GNG2: variants seen among roughly 807,000 people sequenced by gnomAD.
GNG2 encodes G protein subunit gamma 2.
In GNG2, 5 loss-of-function variants were observed where a neutral mutation model predicts 5.5. The observed-to-expected ratio is 0.91, with a 90% confidence interval of 0.48 to 1.92. The LOEUF is 1.92. GNG2 is among the 30% of genes most tolerant of loss of function. GNG2 has a pLI of 0.01. For synonymous variants in GNG2, 28 were observed against 32.0 expected (o/e 0.88, Z 0.42); for missense variants, 55 against 88.4 (o/e 0.62, Z 1.52).
intron 2 of GNG2, among the ~76,000 whole-genome samples, chr14:51,885,880 T>A (rs1884429348): frequency 6.6e-6 from 1 of 152,194 alleles, no homozygotes; most frequent in Admixed American, 6.5e-5. Context: ...GACTTATGTC[T>A]TTGCTATAAG....
intron 1 of GNG2, among the ~76,000 whole-genome samples, chr14:51,869,984 G>C (rs1883190463): frequency 6.6e-6 from 1 of 152,198 alleles, no homozygotes; most frequent in African/African-American, 2.4e-5. Context: ...AAAGTCATCA[G>C]ACCCCAGCAA....
At chr14:51,932,860 T>C in intron 2 of GNG2, among the ~76,000 whole-genome samples, 1 of 149,880 alleles carries the variant, frequency 6.7e-6, no homozygotes, top group Non-Finnish European at 1.5e-5. Context: ...GTTAAAGCTC[T>C]GGATATGGAA....
intron 2 of GNG2, among the ~76,000 whole-genome samples, chr14:51,851,222 A>C (rs1259376589): frequency 6.6e-6 from 1 of 152,228 alleles, no homozygotes; most frequent in Non-Finnish European, 1.5e-5. Flanking sequence ...CTTATAAAAC[A>C]GGTTCCCTTG....
At chr14:51,866,077 A>C (rs976603463) in intron 1 of GNG2, among the ~76,000 whole-genome samples, 2 of 152,182 alleles carry the variant, frequency 1.3e-5, no homozygotes, top group Non-Finnish European at 2.9e-5. Context: ...AATATGTGTA[A>C]ACAGTCAAGC....
intron 2 of GNG2, among the ~76,000 whole-genome samples, chr14:51,924,847 A>G (rs1317966146): frequency 1.3e-5 from 2 of 152,342 alleles, no homozygotes; most frequent in South Asian, 4.1e-4. Flanking sequence ...GCTGCCTGTC[A>G]TCTCTGCTCT....
Position 51,942,100 on chromosome 14 carries a change from G to A in GNG2, c.-29-8550G>A, listed in dbSNP as rs372283850. 5.9e-5 allele frequency among the ~76,000 whole-genome samples: 9 copies of A among 152,242 alleles called. No homozygotes were observed. In the South Asian group the frequency reaches 1.0e-3, roughly 18 times the overall value. ...GACTCTGCTCTGTTTTAGATAAGCC[G>A]GGACCAGATATCGATAAAGCATATT... On this transcript the variant is annotated intron_variant, in intron 2 of 3. Transcript: ENST00000556766.
At chr14:51,858,048 T>A (rs1303166361), upstream of GNG2, among the ~76,000 whole-genome samples, 1 of 152,174 alleles carries the variant, frequency 6.6e-6, no homozygotes, top group Non-Finnish European at 1.5e-5. Flanking sequence ...GTTAGAGTAT[T>A]TTACAGACTT....
At chr14:51,864,271 T>C (rs1256383327) in intron 1 of GNG2, among the ~76,000 whole-genome samples, 1 of 152,230 alleles carries the variant, frequency 6.6e-6, no homozygotes, top group Admixed American at 6.5e-5. Flanking sequence ...ACTAGTGATG[T>C]TGAGCATCTT....
intron 2 of GNG2, among the ~76,000 whole-genome samples, chr14:51,936,615 A>C (rs1888025473): frequency 6.7e-6 from 1 of 150,222 alleles, no homozygotes; most frequent in Non-Finnish European, 1.5e-5. Flanking sequence ...CAGTGGCATG[A>C]TCACAGCTCA....
At chr14:51,922,358 A>T (rs561485794) in intron 2 of GNG2, among the ~76,000 whole-genome samples, 25 of 152,322 alleles carry the variant, frequency 1.6e-4, no homozygotes, top group African/African-American at 6.0e-4. Flanking sequence ...CTTAGCAAAA[A>T]TCTAGTTTCC....
rs1312393304 is a variant in GNG2 at position 51,913,907 on chromosome 14, A to G, written c.-30+36250A>G. Among the ~76,000 whole-genome samples the G allele has an allele frequency of 2.0e-5, 3 of 152,236 alleles. No homozygotes were observed. In the East Asian group the frequency reaches 5.8e-4, roughly 29 times the overall value. The stretch of plus-strand genomic sequence containing the variant: ...TATGCATATGTTGCATATATAATGT[A>G]TGCATAAAAGTTACATATATCCAAA... On this transcript the variant is annotated intron_variant, in intron 2 of 3. Coordinates refer to ENST00000556766, the MANE Select transcript of GNG2 (RefSeq NM_053064.5).
chr14:51,935,687 T>C (rs1252719114), intron 2 of GNG2, among the ~76,000 whole-genome samples: 1 of 152,156 alleles, frequency 6.6e-6, no homozygotes, highest in Non-Finnish European at 1.5e-5. Context: ...TTCTTTCTTT[T>C]CTTTTCTTTG....
At chr14:51,895,340 C>T (rs573381780) in intron 2 of GNG2, among the ~76,000 whole-genome samples, 41 of 152,256 alleles carry the variant, frequency 2.7e-4, no homozygotes, top group African/African-American at 9.6e-4. Context: ...GGTGAAAGTA[C>T]TTGAGCTAAT....
intron 2 of GNG2, among the ~76,000 whole-genome samples, chr14:51,919,423 A>G (rs1410200177): frequency 6.6e-6 from 1 of 152,252 alleles, no homozygotes; most frequent in Non-Finnish European, 1.5e-5. Context: ...TAAATTTTGC[A>G]CATGCCAAAC....
chr14:51,834,005 A>T (rs1321333239), intron 2 of GNG2, among the ~76,000 whole-genome samples: 2 of 152,234 alleles, frequency 1.3e-5, no homozygotes, highest in African/African-American at 4.8e-5. Context: ...TCATCATGCA[A>T]TACCAACTGA....
At chr14:51,916,428 T>A (rs772664395) in intron 2 of GNG2, 6 of 452,372 alleles carry the variant, frequency 1.3e-5, no homozygotes, top group South Asian at 6.3e-5. Context: ...TATTTTGTAC[T>A]AAGTTATTTC....
chr14:51,910,609 G>A (rs772296862), intron 2 of GNG2, among the ~76,000 whole-genome samples: 6 of 152,136 alleles, frequency 3.9e-5, no homozygotes, highest in Non-Finnish European at 5.9e-5. Flanking sequence ...GGCTTCATGG[G>A]CAAACACTGC....
chr14:51,954,508 G>T (rs1184177284), intron 3 of GNG2, among the ~76,000 whole-genome samples: 1 of 152,170 alleles, frequency 6.6e-6, no homozygotes, highest in African/African-American at 2.4e-5. Flanking sequence ...ATTCATCATT[G>T]TATTAGGACT....
chr14:51,848,461 A>C (rs1399578515), intron 2 of GNG2, among the ~76,000 whole-genome samples: 2 of 151,998 alleles, frequency 1.3e-5, no homozygotes, highest in East Asian at 1.9e-4. Context: ...TGCTCTATCC[A>C]TGCTGACCCC....
Sources: gnomAD v4.1 joint callset for allele counts (sites outside exome capture counted in the v4.1 genomes callset) on GRCh38, gnomAD v4.1.1 for gene constraint, MANE v1.5 for transcripts, NCBI Gene and HGNC (gene_info 2026-07-23, HGNC 2026-07-21) for gene names.